The following NXN variants were observed in gnomAD, a reference collection of about 807,000 sequenced individuals.
NXN encodes the protein nucleoredoxin, also known as nucleoredoxin 1.
Under a neutral mutation model 48.6 loss-of-function variants are expected in NXN, and 16 were observed. The observed-to-expected ratio is 0.33, with a 90% CI of 0.22 to 0.50. The LOEUF (loss-of-function observed/expected upper bound fraction) is 0.50. Ranked by LOEUF, NXN falls within the 20% of genes least tolerant of loss-of-function variation. The pLI is 0.98. For missense variants in NXN, 492 were observed against 605.5 expected (o/e 0.81, Z 1.97); for synonymous variants, 281 against 269.6 (o/e 1.04, Z -0.41).
chr17:885,935 G>A (rs995473540), intron 1 of NXN, among the ~76,000 whole-genome samples: 3 of 151,562 alleles, frequency 2.0e-5, no homozygotes, highest in Non-Finnish European at 4.4e-5. Context: ...TGATCCGCCC[G>A]CCTCGGCCTC....
chr17:806,741 T>C (rs962956747), intron 5 of NXN, among the ~76,000 whole-genome samples: 3 of 152,176 alleles, frequency 2.0e-5, no homozygotes, highest in Non-Finnish European at 2.9e-5. Context: ...ACCAGACATA[T>C]GGCCCTCGTG....
At chr17:835,124 T>G (rs9903958) in intron 1 of NXN, among the ~76,000 whole-genome samples, 2 of 150,284 alleles carry the variant, frequency 1.3e-5, no homozygotes, top group East Asian at 2.1e-4. Flanking sequence ...CTGGCTAACA[T>G]GGTGAAACCC....
chr17:926,106 G>A (rs1214698278), intron 1 of NXN, among the ~76,000 whole-genome samples: 1 of 152,204 alleles, frequency 6.6e-6, no homozygotes, highest in Non-Finnish European at 1.5e-5. Context: ...GAATCTCTGG[G>A]ATGGATGAAA....
At chr17:826,948 G>A (rs922979790) in intron 1 of NXN, among the ~76,000 whole-genome samples, 5 of 152,380 alleles carry the variant, frequency 3.3e-5, no homozygotes, top group African/African-American at 4.8e-5. Flanking sequence ...GCCTCTGTTC[G>A]CCATCGGGGT....
At chr17:910,778 C>G (rs543934317) in intron 1 of NXN, 1 of 152,294 alleles carries the variant, frequency 6.6e-6, no homozygotes, top group East Asian at 1.9e-4. Context: ...CCGGGGAGTT[C>G]AAAATGACTT....
Position 888,146 on chromosome 17 carries a change from G to A in NXN, c.361-62068C>T, listed in dbSNP as rs139698758. On this transcript the variant is annotated intron_variant, in intron 1 of 7. Coordinates refer to ENST00000336868, the MANE Select transcript of NXN (RefSeq NM_022463.5). Reference sequence around the variant, plus strand: ...AGAGGGACAGAAAGCAGGGTTTAAGGGACTTCTCATGCAATAAAAAGGAAA... The same window carrying A: ...AGAGGGACAGAAAGCAGGGTTTAAGAGACTTCTCATGCAATAAAAAGGAAA... 8.6e-5 allele frequency among the ~76,000 whole-genome samples: 13 copies of A among 152,024 alleles called. No individual in the cohort carries two copies. The East Asian group carries it at 2.5e-3, about 29-fold the overall frequency.
chr17:867,839 T>C (rs1597677074), intron 1 of NXN, among the ~76,000 whole-genome samples: 1 of 150,932 alleles, frequency 6.6e-6, no homozygotes, highest in East Asian at 2.0e-4. Flanking sequence ...GGCATGAGAA[T>C]CGCTTGAACC....
rs2069201736 is a variant in NXN at position 958,876 on chromosome 17, G to C, written c.360+20443C>G. ...GAGCCCAGGAGGTCAGGGCTGCAGTGAGTCATGATCACACTACTGTGCTCC... is the reference window on the plus strand; with the variant it reads ...GAGCCCAGGAGGTCAGGGCTGCAGTCAGTCATGATCACACTACTGTGCTCC... On this transcript the variant is annotated intron_variant, in intron 1 of 7. Transcript: ENST00000336868. This position sits in a 1 kb window ranked among gnomAD's most constrained non-coding sequence, Gnocchi z 6.9. Among the ~76,000 whole-genome samples the C allele has an allele frequency of 1.3e-5, 2 of 152,134 alleles. No individual in the cohort carries two copies. Among genetic ancestry groups the C allele is most frequent in the Non-Finnish European group, 2.9e-5 (2 of 68,022 alleles).
chr17:856,270 T>TA (rs1294233022), intron 1 of NXN, among the ~76,000 whole-genome samples: 1 of 151,802 alleles, frequency 6.6e-6, no homozygotes, highest in East Asian at 1.9e-4. Context: ...AGAAAAAGCC[T>TA]AAAACCCTGA....
At chr17:822,510 A>G in intron 3 of NXN, 53 bp from the exon 4 acceptor site, 1 of 1,358,536 alleles carries the variant, frequency 7.4e-7, no homozygotes, top group Non-Finnish European at 1.0e-6. Context: ...TCCACCTCCC[A>G]GCCACTCACC....
At chr17:885,354 G>C (rs936453671) in intron 1 of NXN, among the ~76,000 whole-genome samples, 1 of 151,890 alleles carries the variant, frequency 6.6e-6, no homozygotes, top group Non-Finnish European at 1.5e-5. Flanking sequence ...GCAGGCGCCC[G>C]TCATCCCAGC....
At chr17:905,777 G>A (rs1028504587) in intron 1 of NXN, among the ~76,000 whole-genome samples, 2 of 152,114 alleles carry the variant, frequency 1.3e-5, no homozygotes, top group African/African-American at 4.8e-5. Context: ...AGGAGTTTGA[G>A]ATCAGCCTGG....
chr17:810,878 G>A (rs1351017218), intron 5 of NXN, among the ~76,000 whole-genome samples: 1 of 151,798 alleles, frequency 6.6e-6, no homozygotes, highest in Non-Finnish European at 1.5e-5. Flanking sequence ...GACAGAGCGA[G>A]ACTCTGCCTC....
chr17:892,341 G>C (rs2068432032), intron 1 of NXN, among the ~76,000 whole-genome samples: 2 of 152,218 alleles, frequency 1.3e-5, no homozygotes, highest in African/African-American at 2.4e-5. Context: ...CAGACCTCAT[G>C]TTCTGAATTT....
intron 1 of NXN, among the ~76,000 whole-genome samples, chr17:885,918 G>C (rs1329548659): frequency 1.3e-5 from 2 of 151,428 alleles, no homozygotes; most frequent in Non-Finnish European, 2.9e-5. Flanking sequence ...TCGATCTCCT[G>C]ACCTCGTGAT....
chr17:946,097 G>A (rs1049096369), intron 1 of NXN, among the ~76,000 whole-genome samples: 2 of 152,142 alleles, frequency 1.3e-5, no homozygotes, highest in Non-Finnish European at 2.9e-5. Flanking sequence ...TAAAAGACAA[G>A]GAGTTGATGT....
chr17:967,839 G>T (rs1458836756), intron 1 of NXN, among the ~76,000 whole-genome samples: 2 of 152,100 alleles, frequency 1.3e-5, no homozygotes, highest in African/African-American at 4.8e-5. Flanking sequence ...AGGCATGGTG[G>T]CGGGCACCTG....
chr17:800,993 C>CA lies in NXN; in HGVS notation c.1263dup (p.Val422CysfsTer3). ...AGCTTCTCTGCTAGGAAGTCATTCA[C>CA]AAAGGCCTCCACGATGGCGGGGGTG... On this transcript the variant is annotated frameshift_variant, in exon 8 of 8. Transcript: ENST00000336868. LOFTEE classifies it high-confidence loss of function. The CA allele has an allele frequency of 1.3e-6, 2 of 1,550,954 alleles. No homozygotes were observed. The highest frequency in any genetic ancestry group is 1.7e-6 in the Non-Finnish European group (2 of 1,145,932).
intron 1 of NXN, among the ~76,000 whole-genome samples, chr17:940,534 T>G (rs2068960003): frequency 6.6e-6 from 1 of 152,228 alleles, no homozygotes; most frequent in South Asian, 2.1e-4. Flanking sequence ...AACGAAGACA[T>G]CACCCAGACC....
Sources: allele counts gnomAD v4.1 joint callset (sites outside exome capture counted in the v4.1 genomes callset), GRCh38; gene constraint gnomAD v4.1.1; non-coding constraint Gnocchi (gnomAD v3.1); transcripts MANE v1.5; gene names NCBI Gene and HGNC (gene_info 2026-07-23, HGNC 2026-07-21).